The following UGT1A9 variants were observed in gnomAD, a reference collection of about 807,000 sequenced individuals.
The protein encoded by UGT1A9 is UDP glucuronosyltransferase family 1 member A9.
A neutral mutation model predicts 45.0 loss-of-function variants in UGT1A9; 35 were observed. The ratio of observed to expected loss-of-function variants is 0.78; its 90% CI spans 0.59 to 1.03. The LOEUF (loss-of-function observed/expected upper bound fraction) is 1.03. Among genes scored for constraint, UGT1A9 ranks in the 50% least tolerant of loss-of-function variants. The probability of loss-of-function intolerance (pLI) is 0.00; values close to 1 mark genes in which losing one functional copy is unlikely to be tolerated. For missense variants in UGT1A9, 687 were observed against 666.6 expected (o/e 1.03, Z -0.34); for synonymous variants, 278 against 250.6 (o/e 1.11, Z -1.03).
At chr2:233,699,625 C>T (rs1308666244) in intron 1 of UGT1A9, among the ~76,000 whole-genome samples, 1 of 152,194 alleles carries the variant, frequency 6.6e-6, no homozygotes, top group Non-Finnish European at 1.5e-5. Flanking sequence ...AGAATGCAAG[C>T]TCAGGCCTAG....
At chr2:233,747,106 C>T (rs1693563001) in intron 1 of UGT1A9, 1 of 1,377,620 alleles carries the variant, frequency 7.3e-7, no homozygotes, top group African/African-American at 1.5e-5. Context: ...CTTCCAATTA[C>T]ATGATGATTT....
At position 233,729,748 on chromosome 2, in the gene UGT1A9, A is replaced by C. The variant is rs140766748; in HGVS notation, c.856-37286A>C. 4.5e-4 allele frequency: 721 copies of C among 1,613,992 alleles called. 2 individuals carry two copies. The highest frequency in any genetic ancestry group is 1.8e-3 in the South Asian group (167 of 91,072). Reference sequence around the variant, plus strand: ...AACCAATTCAGACCACATGACATTCATGCAAAGGGTCAAGAACATGCTCTA... The same window carrying C: ...AACCAATTCAGACCACATGACATTCCTGCAAAGGGTCAAGAACATGCTCTA... On this transcript the variant is annotated intron_variant, in intron 1 of 4. Coordinates refer to ENST00000354728, the MANE Select transcript of UGT1A9 (RefSeq NM_021027.3).
At chr2:233,766,271 G>A (rs926044962) in intron 1 of UGT1A9, among the ~76,000 whole-genome samples, 6 of 67,896 alleles carry the variant, frequency 8.8e-5, no homozygotes, top group Non-Finnish European at 1.8e-4. Context: ...GCCCGGGCTC[G>A]GTGGCCCGGG....
At chr2:233,680,054 A>G (rs973243636) in intron 1 of UGT1A9, among the ~76,000 whole-genome samples, 47 of 150,760 alleles carry the variant, frequency 3.1e-4, no homozygotes, top group African/African-American at 1.0e-3. Context: ...TTCTTTTGCA[A>G]TGGTCCTTAT....
At position 233,769,732 on chromosome 2, in the gene UGT1A9, G is replaced by A; in HGVS notation, c.1295+1293G>A. The A allele has an allele frequency of 2.7e-6, 4 of 1,465,694 alleles. No homozygotes were observed. Among genetic ancestry groups the A allele is most frequent in the South Asian group, 2.9e-5 (2 of 70,094 alleles). 90.8% of individuals were successfully genotyped at this position (1,465,694 alleles called of 1,614,324 possible). ...TGGCTAGGCACCATGGCACACGCCT[G>A]TAGTCCCAGCCACTCTGGAGGCTAA... On this transcript the variant is annotated intron_variant, in intron 4 of 4. Coordinates refer to ENST00000354728, the MANE Select transcript of UGT1A9 (RefSeq NM_021027.3). This position sits in a 1 kb window ranked among gnomAD's most constrained non-coding sequence, Gnocchi z 4.4.
Position 233,672,633 on chromosome 2 carries a change from A to C in UGT1A9, c.699A>C (p.Glu233Asp). The C allele has an allele frequency of 6.2e-7, 1 of 1,613,882 alleles. No individual in the cohort carries two copies. The highest frequency in any genetic ancestry group is 1.1e-5 in the South Asian group (1 of 91,074). Residue 233 changes from glutamate (E) to aspartate (D), a missense_variant, in exon 1 of 5, where the codon GAA becomes GAC. By Grantham distance (45) the Glu-to-Asp change is conservative. Coordinates refer to ENST00000354728, the MANE Select transcript of UGT1A9 (RefSeq NM_021027.3). Reference protein sequence around the residue: ...FFKNALEIASEILQTPVTEYD... With the variant: ...FFKNALEIASDILQTPVTEYD... ...AAAATGCCCTAGAAATAGCCTCTGA[A>C]ATTCTCCAAACACCTGTTACGGAGT...
chr2:233,733,638 G>C (rs913820039), intron 1 of UGT1A9, among the ~76,000 whole-genome samples: 1 of 152,200 alleles, frequency 6.6e-6, no homozygotes, highest in African/African-American at 2.4e-5. Flanking sequence ...AACCAGCCTT[G>C]CATCCCAAGG....
At chr2:233,743,463 C>G in intron 1 of UGT1A9, 1 of 1,366,450 alleles carries the variant, frequency 7.3e-7, no homozygotes, top group African/African-American at 1.5e-5. Flanking sequence ...AAAAAACACC[C>G]CCAAAAGCTG....
At chr2:233,713,078 G>A in intron 1 of UGT1A9, 4 of 1,614,202 alleles carry the variant, frequency 2.5e-6, no homozygotes, top group Non-Finnish European at 3.4e-6. Context: ...CTGAGAGTGG[G>A]AAGGTGCTGG....
At chr2:233,772,210 A>T in intron 4 of UGT1A9, 52 bp from the exon 5 acceptor site, 1 of 1,610,530 alleles carries the variant, frequency 6.2e-7, no homozygotes, top group Non-Finnish European at 8.5e-7. Flanking sequence ...TAAAGAGAGG[A>T]TTGTTCATAC....
chr2:233,725,567 G>A (rs1036939921), intron 1 of UGT1A9, among the ~76,000 whole-genome samples: 32 of 151,948 alleles, frequency 2.1e-4, no homozygotes, highest in African/African-American at 5.6e-4. Flanking sequence ...ACATATATTC[G>A]ATATAAGATT....
chr2:233,725,063 TGCAATCG>T (rs2077358675), intron 1 of UGT1A9, among the ~76,000 whole-genome samples: 2 of 146,678 alleles, frequency 1.4e-5, no homozygotes, highest in African/African-American at 5.1e-5. Flanking sequence ...GGCGCGCGCC[TGCAATCG>T]CAGGCACTCG....
rs112908387 is a variant in UGT1A9, at chr2:233,772,904, C to T, written c.*345C>T. On this transcript the variant is annotated 3_prime_UTR_variant, in exon 5 of 5. Transcript: ENST00000354728. ...GATTCAAAGGTGGTCCCACGGCTGCCCCTACTGCAAATGGCAGTTTTAATC... is the reference window on the plus strand; with the variant it reads ...GATTCAAAGGTGGTCCCACGGCTGCTCCTACTGCAAATGGCAGTTTTAATC... 5 of 414,970 alleles carry T rather than the reference C, an allele frequency of 1.2e-5. No individual in the cohort carries two copies. The highest frequency in any genetic ancestry group is 6.1e-5 in the African/African-American group (3 of 48,900). 25.7% of individuals were successfully genotyped at this position (414,970 alleles called of 1,614,324 possible).
At chr2:233,758,820 C>T (rs1028156613) in intron 1 of UGT1A9, among the ~76,000 whole-genome samples, 2 of 152,084 alleles carry the variant, frequency 1.3e-5, no homozygotes, top group African/African-American at 4.8e-5. Context: ...GCAGTATATC[C>T]CCCCCAAAAA....
chr2:233,769,603 GA>G lies in UGT1A9; in HGVS notation c.1295+1165del. 1 of 1,612,818 alleles carries G rather than the reference GA, an allele frequency of 6.2e-7. No individual in the cohort carries two copies. The highest frequency in any genetic ancestry group is 1.1e-5 in the South Asian group (1 of 91,040). On this transcript the variant is annotated intron_variant, in intron 4 of 4. Transcript: ENST00000354728. This position sits in a 1 kb window ranked among gnomAD's most constrained non-coding sequence, Gnocchi z 4.4. ...CAGATGAGAGGAGACGGAACACGGG[GA>G]CACACCAGCTTGAGCAAGGGACAAC...
intron 1 of UGT1A9, among the ~76,000 whole-genome samples, chr2:233,714,126 C>A (rs866787079): frequency 6.6e-6 from 1 of 152,016 alleles, no homozygotes; most frequent in Middle Eastern, 3.2e-3. Context: ...GGAGACTGTT[C>A]GTTTGTAAAA....
intron 1 of UGT1A9, chr2:233,750,801 G>A (rs763545505): frequency 6.6e-6 from 1 of 151,910 alleles, no homozygotes; most frequent in Non-Finnish European, 1.5e-5. Flanking sequence ...AAGAATTTAG[G>A]TTTGGGAACC....
In UGT1A9 at chr2:233,713,252, C is replaced by T. The variant is rs17874941; in HGVS notation, c.855+40463C>T. On this transcript the variant is annotated intron_variant, in intron 1 of 4. Coordinates refer to ENST00000354728, the MANE Select transcript of UGT1A9 (RefSeq NM_021027.3). ...CGTATGCCATTTCATGGACCCAGGA[C>T]GAATTTGATCGCCTTTTGCTGGGTC... 2,469 of 1,614,186 alleles carry T rather than the reference C, an allele frequency of 1.5e-3. 3 individuals carry two copies. The highest frequency in any genetic ancestry group is 2.0e-3 in the Non-Finnish European group (2,339 of 1,180,040).
intron 1 of UGT1A9, chr2:233,681,902 GA>G: frequency 1.9e-6 from 3 of 1,594,860 alleles, no homozygotes; most frequent in Non-Finnish European, 2.6e-6. Flanking sequence ...TAGGAGCTTA[GA>G]ATCCCAGCTG....
Sources: gnomAD v4.1 joint callset for allele counts (sites outside exome capture counted in the v4.1 genomes callset) on GRCh38, gnomAD v4.1.1 for gene constraint, Gnocchi (gnomAD v3.1) non-coding constraint, MANE v1.5 for transcripts, NCBI Gene and HGNC (gene_info 2026-07-23, HGNC 2026-07-21) for gene names.